The following EYA3 variants were observed in gnomAD, a reference collection of about 807,000 sequenced individuals.
EYA3 encodes the protein protein phosphatase EYA3.
EYA3 carries 39 observed loss-of-function variants against 80.0 expected under a neutral mutation model. That is an observed-to-expected ratio of 0.49 (90% confidence interval 0.38 to 0.64). The LOEUF is 0.64. Among genes scored for constraint, EYA3 ranks in the 30% least tolerant of loss-of-function variants. The probability of loss-of-function intolerance (pLI) is 0.00; values close to 1 mark genes in which losing one functional copy is unlikely to be tolerated. For synonymous variants in EYA3, 206 were observed against 232.8 expected, an observed-to-expected ratio of 0.88 and a Z score of 1.05; for missense variants, 523 against 676.1, an observed-to-expected ratio of 0.77 and a Z score of 2.51.
intron 12 of EYA3, among the ~76,000 whole-genome samples, chr1:27,998,778 T>C (rs2148751499): frequency 6.6e-6 from 1 of 152,304 alleles, no homozygotes; most frequent in South Asian, 2.1e-4. Context: ...CTTTTTATTT[T>C]TTATTTTAAA....
intron 1 of EYA3, among the ~76,000 whole-genome samples, chr1:28,076,601 G>C (rs111394999): frequency 0.015 from 2,279 of 149,170 alleles, 43 homozygotes; most frequent in Middle Eastern, 0.049. Context: ...GTCCCAGGTG[G>C]AGGTTGCAGT....
At chr1:28,057,384 A>C (rs1644472258) in intron 2 of EYA3, among the ~76,000 whole-genome samples, 1 of 152,132 alleles carries the variant, frequency 6.6e-6, no homozygotes, top group Non-Finnish European at 1.5e-5. Flanking sequence ...AAAGAAACTG[A>C]AGACAAAAGG....
intron 9 of EYA3, among the ~76,000 whole-genome samples, chr1:28,011,873 G>A (rs534775679): frequency 2.9e-4 from 44 of 152,070 alleles, no homozygotes; most frequent in African/African-American, 1.0e-3. Context: ...TTACTAATGC[G>A]ATAAAAACTG....
chr1:28,039,427 T>C (rs1055203585), intron 4 of EYA3, among the ~76,000 whole-genome samples: 4 of 152,208 alleles, frequency 2.6e-5, no homozygotes, highest in African/African-American at 4.8e-5. Context: ...TATGCTTCTA[T>C]ACTATTATTT....
At chr1:28,082,698 C>CA (rs1472735364) in intron 1 of EYA3, among the ~76,000 whole-genome samples, 1 of 151,944 alleles carries the variant, frequency 6.6e-6, no homozygotes, top group Non-Finnish European at 1.5e-5. Flanking sequence ...TTGTTAAATT[C>CA]ATATGGGAAT....
intron 10 of EYA3, among the ~76,000 whole-genome samples, chr1:28,005,520 C>A (rs1262831172): frequency 6.6e-6 from 1 of 152,074 alleles, no homozygotes; most frequent in Non-Finnish European, 1.5e-5. Flanking sequence ...TTGAGACCAG[C>A]CTGGACAACA....
chr1:28,038,201 G>T lies in EYA3; in HGVS notation c.224+638C>A, dbSNP rs143315047. Among the ~76,000 whole-genome samples, 399 of 152,142 alleles carry T rather than the reference G, an allele frequency of 2.6e-3. 1 individual carries two copies. Among genetic ancestry groups the T allele is most frequent in the African/African-American group, 8.8e-3 (365 of 41,526 alleles). ...CTCACGACTGTAATCCCAGCACTTT[G>T]CGAGGTAGGCAGATCACCTGAGGTC... On this transcript the variant is annotated intron_variant, in intron 5 of 17. Coordinates refer to ENST00000373871, the MANE Select transcript of EYA3 (RefSeq NM_001990.4).
intron 16 of EYA3, among the ~76,000 whole-genome samples, chr1:27,985,390 T>C (rs1639584451): frequency 6.6e-6 from 1 of 151,990 alleles, no homozygotes; most frequent in Non-Finnish European, 1.5e-5. Context: ...TTGGGTCTCA[T>C]TTGACCCATC....
Position 27,993,438 on chromosome 1 carries a change from A to T in EYA3, c.1265T>A (p.Val422Glu). Reference protein sequence around the residue: ...MRKLAFRYRKVREIYDKHKSN... With the variant: ...MRKLAFRYRKEREIYDKHKSN... ...TTTATGCTTATCATAGATTTCTCTCACTTTCCGGTAGCGGAAAGCTAGTTT... is the reference window on the plus strand; with the variant it reads ...TTTATGCTTATCATAGATTTCTCTCTCTTTCCGGTAGCGGAAAGCTAGTTT... The change falls in exon 14 of 18, where the codon GTG becomes GAG. Residue 422 changes from valine to glutamate, a missense_variant. Physicochemically the swap from Val to Glu is moderately radical, Grantham distance 121. Around this residue, in one of 2 missense-constraint regions of EYA3, gnomAD observed 219 missense variants for 332.8 expected, o/e 0.66. Coordinates refer to ENST00000373871, the MANE Select transcript of EYA3 (RefSeq NM_001990.4). The T allele has an allele frequency of 6.2e-7, 1 of 1,613,452 alleles. No homozygotes were observed. Among genetic ancestry groups the T allele is most frequent in the Non-Finnish European group, 8.5e-7 (1 of 1,179,746 alleles).
rs528291016 is a variant in EYA3 at position 28,074,737 on chromosome 1, T to G, written c.-69+13787A>C. On this transcript the variant is annotated intron_variant, in intron 1 of 17. Coordinates refer to ENST00000373871, the MANE Select transcript of EYA3 (RefSeq NM_001990.4). ...TTTCTCTCCTATGTGTGGACCATAC[T>G]TAAGTGGTTTTTTGCATGCTTTGTA... Among the ~76,000 whole-genome samples, 36 of 152,290 alleles carry G rather than the reference T, an allele frequency of 2.4e-4. No homozygotes were observed. In the South Asian group the frequency reaches 6.6e-3, roughly 28 times the overall value.
intron 14 of EYA3, among the ~76,000 whole-genome samples, chr1:27,993,008 C>T (rs1220449227): frequency 2.6e-5 from 4 of 151,854 alleles, no homozygotes; most frequent in African/African-American, 4.8e-5. Context: ...TTTCTGTCCA[C>T]GAAAAGTTAC....
At position 28,085,443 on chromosome 1, in the gene EYA3, TG is replaced by T. The variant is rs539447107; in HGVS notation, c.-69+3080del. On this transcript the variant is annotated intron_variant, in intron 1 of 17. Coordinates refer to ENST00000373871, the MANE Select transcript of EYA3 (RefSeq NM_001990.4). ...CAGCCTGGCCAACAGAGCAAGGTTT[TG>T]TTTTGTTTTTTGTCTCAAAAAAACA... Among the ~76,000 whole-genome samples the T allele has an allele frequency of 2.1e-3, 316 of 152,308 alleles. 1 individual carries two copies. Among genetic ancestry groups the T allele is most frequent in the African/African-American group, 7.1e-3 (295 of 41,568 alleles).
chr1:28,044,395 T>C (rs941148615), intron 3 of EYA3, among the ~76,000 whole-genome samples: 11 of 152,258 alleles, frequency 7.2e-5, no homozygotes, highest in Admixed American at 6.5e-4. Context: ...GGAGGACTAA[T>C]AAGTTTACAT....
intron 12 of EYA3, among the ~76,000 whole-genome samples, chr1:27,998,591 T>C (rs1322875288): frequency 1.3e-5 from 2 of 152,016 alleles, no homozygotes; most frequent in African/African-American, 4.8e-5. Context: ...TTACTTTGTG[T>C]TGGCTGGGTG....
In EYA3 at chr1:27,972,529, G is replaced by A. The variant is rs528296631; in HGVS notation, c.*1937C>T. On this transcript the variant is annotated 3_prime_UTR_variant, in exon 18 of 18. Coordinates refer to ENST00000373871, the MANE Select transcript of EYA3 (RefSeq NM_001990.4). ...TCTGGGTGGCCTGGCATTGGAAGGA[G>A]TCTTGCCTCTTTGTGCTGCAACATC... 6.6e-6 allele frequency: 1 copy of A among 152,376 alleles called. No homozygotes were observed. The highest frequency in any genetic ancestry group is 6.5e-5 in the Admixed American group (1 of 15,306). The allele number at this position is 152,376 out of a possible 1,614,324, so 9.4% of individuals were successfully genotyped here. A position where few individuals can be genotyped will look rare whatever the true frequency, so the allele number is the denominator to read the frequency against.
rs545446984 is a variant in EYA3 at position 28,074,512 on chromosome 1, T to A, written c.-69+14012A>T. ...TGGTTTTCTTTAGTTCTTTGAACTT[T>A]CTTTTTTTTTTTTTTTTAAAGAAAT... On this transcript the variant is annotated intron_variant, in intron 1 of 17. Transcript: ENST00000373871. Among the ~76,000 whole-genome samples the A allele has an allele frequency of 2.1e-4, 29 of 139,516 alleles. 1 individual carries two copies. In the South Asian group the frequency reaches 3.6e-3, roughly 18 times the overall value. The allele number at this position is 139,516 out of a possible 152,430, so 91.5% of individuals were successfully genotyped here. A position where few individuals can be genotyped will look rare whatever the true frequency, so the allele number is the denominator to read the frequency against.
chr1:28,012,695 A>G (rs1641775296), intron 9 of EYA3, among the ~76,000 whole-genome samples: 1 of 152,202 alleles, frequency 6.6e-6, no homozygotes, highest in African/African-American at 2.4e-5. Context: ...GAAAAGGACC[A>G]TGCTTTCCTC....
chr1:28,002,356 A>G (rs566269799), intron 11 of EYA3, among the ~76,000 whole-genome samples: 30 of 151,832 alleles, frequency 2.0e-4, no homozygotes, highest in African/African-American at 7.0e-4. Flanking sequence ...GCCAATATAT[A>G]AAATTTTTAT....
At chr1:27,976,800 C>T (rs896921819) in intron 17 of EYA3, among the ~76,000 whole-genome samples, 9 of 152,142 alleles carry the variant, frequency 5.9e-5, no homozygotes, top group African/African-American at 2.2e-4. Flanking sequence ...TCACTGCAAC[C>T]TCCGCCTTCA....
Sources: gnomAD v4.1 joint callset for allele counts (sites outside exome capture counted in the v4.1 genomes callset) on GRCh38, gnomAD v4.1.1 for gene constraint, gnomAD v4.1.1 regional missense constraint, MANE v1.5 for transcripts, NCBI Gene and HGNC (gene_info 2026-07-23, HGNC 2026-07-21) for gene names.